The following NKAIN3 variants were observed in gnomAD, a reference collection of about 807,000 sequenced individuals.
NKAIN3 encodes sodium/potassium transporting ATPase interacting 3.
NKAIN3 carries 25 observed loss-of-function variants against 30.2 expected under a neutral mutation model. That is an observed-to-expected ratio of 0.83 (90% CI 0.60 to 1.16). The LOEUF is 1.16. Among genes scored for constraint, NKAIN3 ranks in the 50% most tolerant of loss-of-function variants. The probability of loss-of-function intolerance (pLI) is 0.00; values close to 1 mark genes in which losing one functional copy is unlikely to be tolerated. For synonymous variants in NKAIN3, 91 were observed against 89.6 expected (o/e 1.02, Z -0.09); for missense variants, 225 against 254.1 (o/e 0.89, Z 0.78).
In NKAIN3 at chr8:62,984,733, A is replaced by AT. The variant is rs1167033068; in HGVS notation, c.*19327dup. 5.3e-5 allele frequency: 8 copies of AT among 152,232 alleles called. No homozygotes were observed. The highest frequency in any genetic ancestry group is 1.2e-4 in the Non-Finnish European group (8 of 68,048). The allele number at this position is 152,232 out of a possible 1,614,324, so 9.4% of individuals were successfully genotyped here. On this transcript the variant is annotated 3_prime_UTR_variant, in exon 7 of 7. Transcript: ENST00000623646. ...TACTATTTACATTTTTGTGCATATA[A>AT]TGCCTGTATATTATACTCATATTTG...
chr8:62,710,510 G>A (rs1203050515), intron 3 of NKAIN3, among the ~76,000 whole-genome samples: 1 of 152,052 alleles, frequency 6.6e-6, no homozygotes, highest in Non-Finnish European at 1.5e-5. Context: ...TTGCTTTAAA[G>A]TTTGTTTTAC....
chr8:62,814,548 A>C (rs989982627), intron 4 of NKAIN3, among the ~76,000 whole-genome samples: 3 of 152,140 alleles, frequency 2.0e-5, no homozygotes, highest in African/African-American at 7.2e-5. Context: ...ACCACAGTGC[A>C]ATCAAACTAG....
intron 4 of NKAIN3, among the ~76,000 whole-genome samples, chr8:62,766,911 C>A (rs1391302027): frequency 6.6e-6 from 1 of 151,026 alleles, no homozygotes; most frequent in Non-Finnish European, 1.5e-5. Context: ...CTCAGCCCCA[C>A]CCCCCGACCC....
At chr8:62,315,981 C>T (rs548525414) in intron 1 of NKAIN3, among the ~76,000 whole-genome samples, 3 of 152,232 alleles carry the variant, frequency 2.0e-5, no homozygotes, top group South Asian at 2.1e-4. Flanking sequence ...ATCATGGGGG[C>T]GGTTACCCCC....
At chr8:62,643,988 T>A (rs1259212487) in intron 3 of NKAIN3, among the ~76,000 whole-genome samples, 1 of 152,138 alleles carries the variant, frequency 6.6e-6, no homozygotes, top group East Asian at 1.9e-4. Flanking sequence ...AGGACACCCA[T>A]GCTCTCTGGG....
At chr8:62,863,818 G>A (rs1427473351) in intron 4 of NKAIN3, 22 of 1,611,038 alleles carry the variant, frequency 1.4e-5, no homozygotes, top group Non-Finnish European at 6.8e-6. Flanking sequence ...CATGATACCG[G>A]CCATTGAAGA....
chr8:62,933,324 C>T (rs750705724), intron 5 of NKAIN3, among the ~76,000 whole-genome samples: 6 of 151,876 alleles, frequency 4.0e-5, no homozygotes, highest in African/African-American at 1.5e-4. Flanking sequence ...ATTGTGAAAG[C>T]GGACAGTAAA....
At chr8:62,714,897 C>G (rs1171678694) in intron 3 of NKAIN3, among the ~76,000 whole-genome samples, 2 of 152,152 alleles carry the variant, frequency 1.3e-5, no homozygotes, top group African/African-American at 4.8e-5. Flanking sequence ...AGGTCATTAA[C>G]AGTGCTGTTT....
intron 1 of NKAIN3, among the ~76,000 whole-genome samples, chr8:62,262,359 C>A (rs1414294649): frequency 6.6e-6 from 1 of 152,162 alleles, no homozygotes; most frequent in African/African-American, 2.4e-5. Flanking sequence ...GCTCTATTTT[C>A]TTCAGCCGAT....
At chr8:62,446,329 C>A (rs867010263) in intron 1 of NKAIN3, among the ~76,000 whole-genome samples, 1 of 151,998 alleles carries the variant, frequency 6.6e-6, no homozygotes, top group African/African-American at 2.4e-5. Flanking sequence ...GCATTAATAT[C>A]TTGACATATG....
intron 4 of NKAIN3, chr8:62,863,288 G>A: frequency 6.4e-7 from 1 of 1,551,508 alleles, no homozygotes. Context: ...TTCTGCTGTG[G>A]AGCCGTACTC....
intron 1 of NKAIN3, among the ~76,000 whole-genome samples, chr8:62,476,828 C>T (rs112627022): frequency 1.3e-5 from 2 of 152,196 alleles, no homozygotes; most frequent in African/African-American, 4.8e-5. Flanking sequence ...TTATTTTTAA[C>T]ATCTGTTGGC....
intron 1 of NKAIN3, among the ~76,000 whole-genome samples, chr8:62,412,923 A>C (rs77036370): frequency 0.1 from 11,394 of 109,348 alleles, 450 homozygotes; most frequent in Middle Eastern, 0.18. Context: ...AAAAAAAAAC[A>C]AAAAAAAAAA....
At chr8:62,431,380 C>T (rs558133005) in intron 1 of NKAIN3, among the ~76,000 whole-genome samples, 5 of 151,816 alleles carry the variant, frequency 3.3e-5, no homozygotes, top group Non-Finnish European at 5.9e-5. Flanking sequence ...TTAAATATAG[C>T]TTGTTTTTAC....
intron 3 of NKAIN3, among the ~76,000 whole-genome samples, chr8:62,609,274 A>G (rs924358513): frequency 6.6e-6 from 1 of 152,198 alleles, no homozygotes; most frequent in Admixed American, 6.5e-5. Context: ...GCTTTACAGA[A>G]CATGACAGCA....
chr8:62,942,225 C>CATATATATACAT lies in NKAIN3; in HGVS notation c.533-11666_533-11665insTATATATATACA, dbSNP rs1554594811. Among the ~76,000 whole-genome samples, 18 of 51,700 alleles carry CATATATATACAT rather than the reference C, an allele frequency of 3.5e-4. 1 individual carries two copies. The East Asian group carries it at 5.7e-3, about 16-fold the overall frequency. The allele number at this position is 51,700 out of a possible 152,430, so 33.9% of individuals were successfully genotyped here. On this transcript the variant is annotated intron_variant, in intron 5 of 6. Coordinates refer to ENST00000623646, the MANE Select transcript of NKAIN3 (RefSeq NM_001304533.3). ...ACACATATATATACACATATATATA[C>CATATATATACAT]ATATATATACACATATATATACATA...
intron 4 of NKAIN3, chr8:62,864,025 T>C (rs927939156): frequency 1.1e-5 from 8 of 714,080 alleles, no homozygotes; most frequent in African/African-American, 1.8e-5. Flanking sequence ...AGGGTGTTTC[T>C]CTCTTTTCGG....
intron 2 of NKAIN3, among the ~76,000 whole-genome samples, chr8:62,586,440 G>C (rs566623676): frequency 1.1e-4 from 16 of 152,210 alleles, no homozygotes; most frequent in African/African-American, 3.9e-4. Context: ...CTAACACAGA[G>C]TAAATGTTTG....
intron 3 of NKAIN3, among the ~76,000 whole-genome samples, chr8:62,654,729 T>A (rs1177630349): frequency 6.6e-6 from 1 of 152,064 alleles, no homozygotes; most frequent in Non-Finnish European, 1.5e-5. Flanking sequence ...AACAAGATTT[T>A]CAAAAATTTA....
Sources: gnomAD v4.1 joint callset for allele counts (sites outside exome capture counted in the v4.1 genomes callset) on GRCh38, gnomAD v4.1.1 for gene constraint, MANE v1.5 for transcripts, NCBI Gene and HGNC (gene_info 2026-07-23, HGNC 2026-07-21) for gene names.